CRTC1: variants seen among roughly 807,000 people sequenced by gnomAD.
CRTC1 encodes CREB regulated transcription coactivator 1.
A neutral mutation model predicts 66.1 loss-of-function variants in CRTC1; 18 were observed. That is an observed-to-expected ratio of 0.27 (90% CI 0.19 to 0.40). The LOEUF is 0.40. Among genes scored for constraint, CRTC1 ranks in the 10% least tolerant of loss-of-function variants. The pLI is 1.00. For missense variants in CRTC1, 669 were observed against 887.9 expected (o/e 0.75, Z 3.13); for synonymous variants, 416 against 398.8 (o/e 1.04, Z -0.51).
Position 18,777,230 on chromosome 19 carries a change from G to T in CRTC1, c.1753G>T (p.Gly585Cys), listed in dbSNP as rs752033260. ...KELTSSLAGV[G>C]DVSFDSDSQF... is the part of the protein sequence containing the mutation. The stretch of plus-strand genomic sequence containing the variant: ...ACTGACCAGCTCTCTGGCCGGGGTC[G>T]GCGACGTCAGCTTCGACTCCGACAG... The change falls in exon 14 of 14, where the codon GGC becomes TGC. Residue 585 changes from glycine to cysteine, a missense_variant. By Grantham distance (159) the Gly-to-Cys change is radical. Around this residue, in one of 8 missense-constraint regions of CRTC1, gnomAD observed 91 missense variants for 99.1 expected, o/e 0.92. Coordinates refer to ENST00000321949, the MANE Select transcript of CRTC1 (RefSeq NM_015321.3). The surrounding 1 kb of genome is among the most constrained non-coding windows in gnomAD (Gnocchi z 5.5). The T allele has an allele frequency of 9.3e-5, 150 of 1,609,716 alleles. 1 individual carries two copies. The highest frequency in any genetic ancestry group is 8.6e-5 in the Non-Finnish European group (101 of 1,179,676).
chr19:18,695,890 A>C (rs1287566175), intron 1 of CRTC1, among the ~76,000 whole-genome samples: 1 of 152,024 alleles, frequency 6.6e-6, no homozygotes, highest in Non-Finnish European at 1.5e-5. Flanking sequence ...AACAAACAAA[A>C]ACACTACAGT....
chr19:18,725,054 G>A lies in CRTC1; in HGVS notation c.127-17856G>A, dbSNP rs1299072718. Among the ~76,000 whole-genome samples, 4 of 152,004 alleles carry A rather than the reference G, an allele frequency of 2.6e-5. No homozygotes were observed. The East Asian group carries it at 7.9e-4, about 30-fold the overall frequency. On this transcript the variant is annotated intron_variant, in intron 1 of 13. Coordinates refer to ENST00000321949, the MANE Select transcript of CRTC1 (RefSeq NM_015321.3). ...GTCCCTTGGACCCGCCTGGAGCTGG[G>A]GGGTGTCCCCTTTGTCCTGAGTACA...
chr19:18,720,916 C>T (rs993894063), intron 1 of CRTC1, among the ~76,000 whole-genome samples: 1 of 152,228 alleles, frequency 6.6e-6, no homozygotes, highest in Non-Finnish European at 1.5e-5. Context: ...CTTAGTCCTT[C>T]CTTTCCTGTT....
chr19:18,702,699 TAA>T (rs1391398029), intron 1 of CRTC1, among the ~76,000 whole-genome samples: 1 of 151,736 alleles, frequency 6.6e-6, no homozygotes, highest in Admixed American at 6.6e-5. Flanking sequence ...CACACCCGGC[TAA>T]TTTTGTATTT....
intron 1 of CRTC1, among the ~76,000 whole-genome samples, chr19:18,728,815 CTTT>C (rs35465891): frequency 1.3e-5 from 1 of 79,378 alleles, no homozygotes. Context: ...CTCACCTGGC[CTTT>C]TTTTTTTTTT....
chr19:18,775,969 C>G (rs2054979677), intron 13 of CRTC1, 148 bp downstream of exon 13: 1 of 844,602 alleles, frequency 1.2e-6, no homozygotes, highest in Non-Finnish European at 1.8e-6. Context: ...GGCCACACCC[C>G]CTCTCCCCTG....
At chr19:18,769,374 G>A (rs1003567788) in intron 10 of CRTC1, among the ~76,000 whole-genome samples, 30 of 152,362 alleles carry the variant, frequency 2.0e-4, no homozygotes, top group African/African-American at 7.0e-4. Flanking sequence ...CTCCAGCGGC[G>A]CGGGCTGGGT....
At chr19:18,693,114 G>A (rs545287853) in intron 1 of CRTC1, among the ~76,000 whole-genome samples, 135 of 149,990 alleles carry the variant, frequency 9.0e-4, no homozygotes, top group African/African-American at 2.7e-3. Context: ...TTTTCGGCCG[G>A]GTATGGTAGC....
chr19:18,703,781 A>C (rs2053200646), intron 1 of CRTC1, among the ~76,000 whole-genome samples: 1 of 152,118 alleles, frequency 6.6e-6, no homozygotes, highest in Non-Finnish European at 1.5e-5. Flanking sequence ...CATTTTTAGT[A>C]GAGATGGGGT....
At chr19:18,742,313 C>G (rs1180906144) in intron 1 of CRTC1, among the ~76,000 whole-genome samples, 5 of 152,154 alleles carry the variant, frequency 3.3e-5, no homozygotes, top group African/African-American at 9.7e-5. Context: ...GCCCAGCCCC[C>G]AAGAGGCTGG....
At chr19:18,689,277 G>C (rs919372961) in intron 1 of CRTC1, among the ~76,000 whole-genome samples, 3 of 151,390 alleles carry the variant, frequency 2.0e-5, no homozygotes, top group African/African-American at 7.3e-5. Flanking sequence ...CTATGGATTT[G>C]CCTGTTCTGG....
Position 18,741,401 on chromosome 19 carries a change from G to C in CRTC1, c.127-1509G>C, listed in dbSNP as rs930609428. Among the ~76,000 whole-genome samples, 1 of 152,196 alleles carries C rather than the reference G, an allele frequency of 6.6e-6. No homozygotes were observed. Among genetic ancestry groups the C allele is most frequent in the Non-Finnish European group, 1.5e-5 (1 of 68,030 alleles). On this transcript the variant is annotated intron_variant, in intron 1 of 13. Coordinates refer to ENST00000321949, the MANE Select transcript of CRTC1 (RefSeq NM_015321.3). This position sits in a 1 kb window ranked among gnomAD's most constrained non-coding sequence, Gnocchi z 4.2. ...CCGCCTGTAGCACTCACTCTAGGTC[G>C]GGGACACAGGTCCAGGAGGGGTCAC...
At chr19:18,763,734 C>A (rs2054665716) in intron 8 of CRTC1, among the ~76,000 whole-genome samples, 1 of 152,230 alleles carries the variant, frequency 6.6e-6, no homozygotes, top group South Asian at 2.1e-4. Context: ...TGGTTTGCCT[C>A]AGGCCCCACC....
At chr19:18,746,874 G>A (rs1600923212) in intron 3 of CRTC1, among the ~76,000 whole-genome samples, 179 bp from the exon 4 acceptor site, 2 of 152,312 alleles carry the variant, frequency 1.3e-5, no homozygotes, top group African/African-American at 4.8e-5. Context: ...TGGAACGGGG[G>A]CTGCTTGTAG....
Position 18,741,964 on chromosome 19 carries a change from A to G in CRTC1, c.127-946A>G, listed in dbSNP as rs1600902819. On this transcript the variant is annotated intron_variant, in intron 1 of 13. Transcript: ENST00000321949. The surrounding 1 kb of genome is among the most constrained non-coding windows in gnomAD (Gnocchi z 4.2). ...AACGAGTCGGCCTTGTTGTGTACACAGTGTCCACCCTAGCAACCGCCCCTG... is the reference window on the plus strand; with the variant it reads ...AACGAGTCGGCCTTGTTGTGTACACGGTGTCCACCCTAGCAACCGCCCCTG... 6.6e-6 allele frequency among the ~76,000 whole-genome samples: 1 copy of G among 152,016 alleles called. No individual in the cohort carries two copies. Among genetic ancestry groups the G allele is most frequent in the Non-Finnish European group, 1.5e-5 (1 of 67,956 alleles).
At chr19:18,747,203 C>T (rs1238099893) in intron 4 of CRTC1, 89 bp downstream of exon 4, 7 of 1,033,516 alleles carry the variant, frequency 6.8e-6, no homozygotes, top group Middle Eastern at 2.1e-4. Context: ...AAGCAGGACA[C>T]AGTCGCTTAA....
At chr19:18,752,723 C>A (rs894801083) in intron 5 of CRTC1, among the ~76,000 whole-genome samples, 1 of 151,786 alleles carries the variant, frequency 6.6e-6, no homozygotes, top group African/African-American at 2.4e-5. Flanking sequence ...TCACTGCAAC[C>A]TCTGCCTCCC....
chr19:18,773,859 G>C (rs554754253), intron 11 of CRTC1, among the ~76,000 whole-genome samples: 1 of 152,018 alleles, frequency 6.6e-6, no homozygotes, highest in Non-Finnish European at 1.5e-5. Flanking sequence ...GTTTGTGGCC[G>C]GCCCCTCTCT....
intron 2 of CRTC1, 58 bp from the exon 3 acceptor site, chr19:18,745,765 C>A: frequency 1.2e-6 from 2 of 1,607,666 alleles, no homozygotes; most frequent in Non-Finnish European, 8.5e-7. Flanking sequence ...GCTGGGGCCA[C>A]AGCTGGTAAC....
Sources: gnomAD v4.1 joint callset for allele counts (sites outside exome capture counted in the v4.1 genomes callset) on GRCh38, gnomAD v4.1.1 for gene constraint, gnomAD v4.1.1 regional missense constraint, Gnocchi (gnomAD v3.1) non-coding constraint, MANE v1.5 for transcripts, NCBI Gene and HGNC (gene_info 2026-07-23, HGNC 2026-07-21) for gene names.